Variants in FSTL4 observed in about 807,000 individuals in gnomAD.
FSTL4 encodes the protein follistatin-related protein 4.
A neutral mutation model predicts 78.2 loss-of-function variants in FSTL4; 28 were observed. The observed-to-expected ratio is 0.36, with a 90% CI of 0.27 to 0.49. The LOEUF is 0.49. Among genes scored for constraint, FSTL4 ranks in the 20% least tolerant of loss-of-function variants. The probability of loss-of-function intolerance (pLI) is 0.98; values close to 1 mark genes in which losing one functional copy is unlikely to be tolerated. For synonymous variants in FSTL4, 422 were observed against 440.5 expected, an observed-to-expected ratio of 0.96 and a Z score of 0.53; for missense variants, 922 against 1,084.9, an observed-to-expected ratio of 0.85 and a Z score of 2.11.
intron 3 of FSTL4, among the ~76,000 whole-genome samples, chr5:133,509,370 G>A (rs970163444): frequency 5.9e-5 from 9 of 152,008 alleles, no homozygotes; most frequent in African/African-American, 2.2e-4. Flanking sequence ...TCTTTTTCAT[G>A]GCCTGTCCAG....
chr5:133,275,296 A>G (rs1009319471), intron 6 of FSTL4, among the ~76,000 whole-genome samples: 1 of 151,968 alleles, frequency 6.6e-6, no homozygotes, highest in Non-Finnish European at 1.5e-5. Context: ...ACAGTGGCTC[A>G]TGCCTATAAT....
intron 3 of FSTL4, among the ~76,000 whole-genome samples, chr5:133,519,379 C>T (rs568109195): frequency 6.6e-6 from 1 of 152,346 alleles, no homozygotes; most frequent in East Asian, 1.9e-4. Flanking sequence ...AGACAGGGAC[C>T]AAGTCCCTTC....
chr5:133,656,805 G>A, the FSTL4 span, among the ~76,000 whole-genome samples: 4,299 of 152,214 alleles, frequency 0.028, 227 homozygotes, highest in African/African-American at 0.099. Flanking sequence ...TTTGGTTGTT[G>A]GATGGAGAAT....
chr5:133,719,500 T>C, the FSTL4 span, among the ~76,000 whole-genome samples: 3 of 151,626 alleles, frequency 2.0e-5, no homozygotes, highest in Non-Finnish European at 1.5e-5. Context: ...GGAAACCCCA[T>C]CTCTACTAAA....
At chr5:133,221,904 T>TGG (rs796432581) in intron 11 of FSTL4, among the ~76,000 whole-genome samples, 1 of 106,178 alleles carries the variant, frequency 9.4e-6, no homozygotes, top group Non-Finnish European at 1.8e-5. Context: ...TTTTTTTTTT[T>TGG]TTTTTTTTTT....
At chr5:133,283,406 A>T (rs1396477849) in intron 6 of FSTL4, among the ~76,000 whole-genome samples, 3 of 152,198 alleles carry the variant, frequency 2.0e-5, no homozygotes, top group Non-Finnish European at 4.4e-5. Context: ...TCCATTGGCA[A>T]GTGACAAAGA....
intron 3 of FSTL4, among the ~76,000 whole-genome samples, chr5:133,465,433 G>A (rs1039582343): frequency 6.6e-6 from 1 of 152,204 alleles, no homozygotes; most frequent in African/African-American, 2.4e-5. Context: ...CCCCCAAATA[G>A]AGAATAAGCT....
chr5:133,456,521 C>T (rs1172962760), intron 3 of FSTL4, among the ~76,000 whole-genome samples: 1 of 152,212 alleles, frequency 6.6e-6, no homozygotes, highest in Non-Finnish European at 1.5e-5. Flanking sequence ...TGCCTGCTGC[C>T]TACACTGCCT....
At chr5:133,439,205 C>T (rs973031670) in intron 3 of FSTL4, among the ~76,000 whole-genome samples, 2 of 152,148 alleles carry the variant, frequency 1.3e-5, no homozygotes, top group African/African-American at 2.4e-5. Flanking sequence ...GGGTGGACAA[C>T]GGGAATAGAA....
intron 3 of FSTL4, among the ~76,000 whole-genome samples, chr5:133,509,410 T>C (rs1364211996): frequency 6.6e-6 from 1 of 152,216 alleles, no homozygotes; most frequent in African/African-American, 2.4e-5. Flanking sequence ...CCTCTTCTGA[T>C]TCTTTATCAG....
intron 5 of FSTL4, 62 bp from the exon 6 acceptor site, chr5:133,312,839 G>A: frequency 6.4e-7 from 1 of 1,566,576 alleles, no homozygotes; most frequent in Admixed American, 1.7e-5. Flanking sequence ...AGGCATTGAT[G>A]AAAATGACTC....
chr5:133,527,241 G>T (rs908023010), intron 3 of FSTL4, among the ~76,000 whole-genome samples: 1 of 152,104 alleles, frequency 6.6e-6, no homozygotes, highest in African/African-American at 2.4e-5. Flanking sequence ...CAAATTGAGG[G>T]GTATATTTTA....
intron 6 of FSTL4, among the ~76,000 whole-genome samples, chr5:133,307,164 G>T (rs189769185): frequency 7.9e-5 from 12 of 152,144 alleles, no homozygotes; most frequent in South Asian, 2.1e-4. Context: ...GTCTAGCTTG[G>T]ACTCTGGAGT....
intron 6 of FSTL4, among the ~76,000 whole-genome samples, chr5:133,252,824 G>A (rs1399532123): frequency 3.9e-5 from 6 of 152,174 alleles, no homozygotes; most frequent in Non-Finnish European, 7.3e-5. Context: ...AAAAATCCAA[G>A]TGGGAGACGG....
intron 6 of FSTL4, among the ~76,000 whole-genome samples, chr5:133,276,344 C>T (rs1251273699): frequency 6.6e-6 from 1 of 152,202 alleles, no homozygotes; most frequent in African/African-American, 2.4e-5. Flanking sequence ...AGGTGGCTGT[C>T]TACAGGCTGG....
chr5:133,390,746 TC>T (rs1755828290), intron 4 of FSTL4, among the ~76,000 whole-genome samples: 2 of 152,208 alleles, frequency 1.3e-5, no homozygotes, highest in African/African-American at 4.8e-5. Flanking sequence ...TCATTTACTC[TC>T]CCCTGGGTCA....
At position 133,493,583 on chromosome 5, in the gene FSTL4, C is replaced by T. The variant is rs148830562; in HGVS notation, c.160+73603G>A. On this transcript the variant is annotated intron_variant, in intron 3 of 15. Transcript: ENST00000265342. ...GAATCCTTTCTGTATTGTGCAGGCCCAAAGTACACTTGCTGTCCTGGGATG... is the reference window on the plus strand; with the variant it reads ...GAATCCTTTCTGTATTGTGCAGGCCTAAAGTACACTTGCTGTCCTGGGATG... Among the ~76,000 whole-genome samples the T allele has an allele frequency of 1.8e-3, 280 of 152,256 alleles. 2 individuals carry two copies. The highest frequency in any genetic ancestry group is 6.6e-3 in the African/African-American group (276 of 41,540).
At chr5:133,319,145 C>T (rs1753984330) in intron 4 of FSTL4, among the ~76,000 whole-genome samples, 1 of 152,242 alleles carries the variant, frequency 6.6e-6, no homozygotes. Flanking sequence ...ATCCTCACAG[C>T]TGCCTGTGAG....
chr5:133,624,106 T>C, the FSTL4 span, among the ~76,000 whole-genome samples: 3 of 151,924 alleles, frequency 2.0e-5, no homozygotes, highest in Non-Finnish European at 4.4e-5. Flanking sequence ...CCTAAGTATA[T>C]GCCCAAAAGA....
Sources: gnomAD v4.1 joint callset for allele counts (sites outside exome capture counted in the v4.1 genomes callset) on GRCh38, gnomAD v4.1.1 for gene constraint, MANE v1.5 for transcripts, NCBI Gene and HGNC (gene_info 2026-07-23, HGNC 2026-07-21) for gene names.